Variants in BDP1 observed in about 807,000 individuals in gnomAD.
The protein encoded by BDP1 is BDP1 general transcription factor IIIB subunit.
In BDP1, 169 loss-of-function variants were observed where a neutral mutation model predicts 266.6. The ratio of observed to expected loss-of-function variants is 0.63; its 90% confidence interval spans 0.56 to 0.72. BDP1 has a LOEUF of 0.72. BDP1 is among the 30% of genes least tolerant of loss of function. BDP1 has a pLI of 0.00. For synonymous variants in BDP1, 1,090 were observed against 1,022.4 expected, an observed-to-expected ratio of 1.07 and a Z score of -1.26; for missense variants, 3,015 against 3,053.8, an observed-to-expected ratio of 0.99 and a Z score of 0.30.
intron 7 of BDP1, among the ~76,000 whole-genome samples, chr5:71,477,136 C>T (rs1481289851): frequency 1.3e-5 from 2 of 151,850 alleles, no homozygotes; most frequent in African/African-American, 2.4e-5. Context: ...CATGAGCCAC[C>T]GAGCCCAGCC....
intron 1 of BDP1, 38 bp from the exon 2 acceptor site, chr5:71,458,541 A>G: frequency 3.4e-6 from 5 of 1,488,084 alleles, no homozygotes; most frequent in African/African-American, 1.4e-5. Context: ...GTAACAGAAG[A>G]TTCATGTGCC....
At chr5:71,556,842 A>T in intron 35 of BDP1, 44 bp from the exon 36 acceptor site, 1 of 914,684 alleles carries the variant, frequency 1.1e-6, no homozygotes, top group Non-Finnish European at 1.6e-6. Context: ...TTTCAGTTTT[A>T]CTTGATAAAT....
Position 71,515,106 on chromosome 5 carries a change from T to G in BDP1, c.4633T>G (p.Ser1545Ala). 6.3e-7 allele frequency: 1 copy of G among 1,595,800 alleles called. No homozygotes were observed. The highest frequency in any genetic ancestry group is 8.5e-7 in the Non-Finnish European group (1 of 1,174,590). ...SQSAPVQKND[S>A]VVSVGTNNVN... ...GTCAGCACCAGTCCAGAAAAATGAC[T>G]CAGTTGTTTCTGTGGGGTAAACAGT... The change falls in exon 20 of 39, where the codon TCA becomes GCA. Residue 1545 changes from serine to alanine, a missense_variant. Ser to Ala is a moderately conservative substitution (Grantham distance 99). Transcript: ENST00000358731.
chr5:71,570,011 C>CT (rs1404424667), downstream of BDP1, among the ~76,000 whole-genome samples: 1 of 152,170 alleles, frequency 6.6e-6, no homozygotes, highest in African/African-American at 2.4e-5. Context: ...TCTACTTGGC[C>CT]TTTCCTTAAT....
rs276591 is a variant in BDP1 at position 71,538,876 on chromosome 5, A to C, written c.5893-166A>C. On this transcript the variant is annotated intron_variant, in intron 26 of 38. Transcript: ENST00000358731. ...CAAGAATTTTGCCTTTAAATTGTTT[A>C]TGTTCTTGCTGGTGAAATTTTGTGA... is the stretch of plus-strand genomic sequence containing the variant. Among the ~76,000 whole-genome samples the C allele has an allele frequency of 0.45, 68,230 of 151,982 alleles. 15,681 individuals are homozygous for C. Among genetic ancestry groups the C allele is most frequent in the South Asian group, 0.55 (2,641 of 4,818 alleles).
chr5:71,511,847 A>C (rs1764938575), intron 17 of BDP1, among the ~76,000 whole-genome samples: 1 of 152,180 alleles, frequency 6.6e-6, no homozygotes, highest in African/African-American at 2.4e-5. Flanking sequence ...ATTTGTACTA[A>C]CCCTAGCGTG....
Position 71,455,838 on chromosome 5 carries a change from G to A in BDP1, c.-40G>A, listed in dbSNP as rs778231545. On this transcript the variant is annotated 5_prime_UTR_variant, in exon 1 of 39. Coordinates refer to ENST00000358731, the MANE Select transcript of BDP1 (RefSeq NM_018429.3). ...CAGCCGCCGGGGCTCGGGGCTGTGA[G>A]CGGCCGTGAGGCTGCCTCCCCGGGC... 1 of 1,524,004 alleles carries A rather than the reference G, an allele frequency of 6.6e-7. No individual in the cohort carries two copies. The highest frequency in any genetic ancestry group is 2.5e-5 in the East Asian group (1 of 40,700). 94.4% of individuals were successfully genotyped at this position (1,524,004 alleles called of 1,614,324 possible).
At position 71,455,694 on chromosome 5, in the gene BDP1, A is replaced by AGCG. The variant is rs1475924463; in HGVS notation, c.-173_-171dup. On this transcript the variant is annotated 5_prime_UTR_variant, in exon 1 of 39. Coordinates refer to ENST00000358731, the MANE Select transcript of BDP1 (RefSeq NM_018429.3). ...TCGGTGTGTGGCAGGGTCATGAAAA[A>AGCG]GCGGCGGCGGCGGGAGAGAGGAGGA... 2.6e-5 allele frequency: 16 copies of AGCG among 608,866 alleles called. No homozygotes were observed. The highest frequency in any genetic ancestry group is 1.5e-4 in the Admixed American group (5 of 33,266). 37.7% of individuals were successfully genotyped at this position (608,866 alleles called of 1,614,324 possible).
At chr5:71,467,246 T>C in intron 5 of BDP1, 108 bp from the exon 6 acceptor site, 1 of 894,548 alleles carries the variant, frequency 1.1e-6, no homozygotes, top group East Asian at 2.5e-5. Context: ...TTATTATGCC[T>C]TTGATATGAT....
intron 25 of BDP1, among the ~76,000 whole-genome samples, chr5:71,529,418 A>G (rs1441283332): frequency 1.3e-5 from 2 of 152,202 alleles, no homozygotes; most frequent in African/African-American, 4.8e-5. Context: ...AAGGCCAGGC[A>G]TGGTGGCTCA....
intron 35 of BDP1, among the ~76,000 whole-genome samples, chr5:71,554,011 G>A (rs1335308941): frequency 6.6e-6 from 1 of 152,138 alleles, no homozygotes; most frequent in African/African-American, 2.4e-5. Context: ...AGGTTTCCTA[G>A]TACCCTCTTG....
chr5:71,456,104 A>G lies in BDP1; in HGVS notation c.212+15A>G, dbSNP rs1309796287. 6.2e-7 allele frequency: 1 copy of G among 1,603,936 alleles called. No individual in the cohort carries two copies. Among genetic ancestry groups the G allele is most frequent in the Non-Finnish European group, 8.5e-7 (1 of 1,175,602 alleles). On this transcript the variant is annotated intron_variant, in intron 1 of 38. Transcript: ENST00000358731. ...CCTAGGAGCAGGTAAGAGGTTGCAG[A>G]GGGAAGAATTTTCATTTGTCCCGCC... is the stretch of plus-strand genomic sequence containing the variant.
chr5:71,484,265 G>A lies in BDP1; in HGVS notation c.1069+369G>A, dbSNP rs147937773. On this transcript the variant is annotated intron_variant, in intron 8 of 38. Transcript: ENST00000358731. ...CTTTCTGGTTCTGAATGACTAATCA[G>A]TCATTCAGTCAATAACACTGACCAC... Among the ~76,000 whole-genome samples the A allele has an allele frequency of 2.3e-3, 351 of 152,208 alleles. 1 individual carries two copies. The highest frequency in any genetic ancestry group is 6.8e-3 in the Middle Eastern group (2 of 294).
intron 6 of BDP1, among the ~76,000 whole-genome samples, chr5:71,468,664 T>C (rs1035898264): frequency 2.8e-5 from 4 of 145,108 alleles, no homozygotes; most frequent in African/African-American, 1.0e-4. Flanking sequence ...TGGAGTGCGG[T>C]GGCGCGATCT....
intron 36 of BDP1, among the ~76,000 whole-genome samples, chr5:71,558,843 A>C (rs538361857): frequency 6.5e-4 from 98 of 150,060 alleles, no homozygotes; most frequent in Non-Finnish European, 1.2e-3. Context: ...AAAAAAAAAA[A>C]ACAACAAAAA....
At chr5:71,503,262 C>T (rs1331517988) in intron 15 of BDP1, among the ~76,000 whole-genome samples, 2 of 152,254 alleles carry the variant, frequency 1.3e-5, no homozygotes, top group African/African-American at 4.8e-5. Flanking sequence ...GCTAGGATTA[C>T]AGGCATGAGC....
chr5:71,534,049 CTT>C (rs1186821621), intron 26 of BDP1, among the ~76,000 whole-genome samples: 1 of 152,042 alleles, frequency 6.6e-6, no homozygotes, highest in Non-Finnish European at 1.5e-5. Flanking sequence ...GTGGGGTTGT[CTT>C]TTCACTTTCT....
chr5:71,528,672 TA>T (rs2150527641), intron 25 of BDP1, among the ~76,000 whole-genome samples: 1 of 152,376 alleles, frequency 6.6e-6, no homozygotes, highest in Non-Finnish European at 1.5e-5. Flanking sequence ...TATTCAGTGT[TA>T]ATAATAACCT....
At chr5:71,550,816 G>A (rs779072600) in intron 34 of BDP1, among the ~76,000 whole-genome samples, 7 of 151,948 alleles carry the variant, frequency 4.6e-5, no homozygotes, top group African/African-American at 1.7e-4. Flanking sequence ...AGTGATTCTC[G>A]TGCCTAAGCC....
Sources: gnomAD v4.1 joint callset for allele counts (sites outside exome capture counted in the v4.1 genomes callset) on GRCh38, gnomAD v4.1.1 for gene constraint, MANE v1.5 for transcripts, NCBI Gene and HGNC (gene_info 2026-07-23, HGNC 2026-07-21) for gene names.